The following PDXDC1 variants were observed in gnomAD, a reference collection of about 807,000 sequenced individuals.
The protein encoded by PDXDC1 is pyridoxal-dependent decarboxylase domain-containing protein 1.
In PDXDC1, 42 loss-of-function variants were observed where a neutral mutation model predicts 100.1. The observed-to-expected ratio is 0.42, with a 90% CI of 0.33 to 0.54. The LOEUF is 0.54. Ranked by LOEUF, PDXDC1 falls within the 20% of genes least tolerant of loss-of-function variation. The pLI is 0.10. For synonymous variants in PDXDC1, 260 were observed against 371.7 expected (o/e 0.70, Z 3.46); for missense variants, 636 against 979.2 (o/e 0.65, Z 4.68).
intron 1 of PDXDC1, among the ~76,000 whole-genome samples, chr16:14,977,424 C>A (rs571248188): frequency 3.9e-5 from 6 of 152,188 alleles, no homozygotes; most frequent in Non-Finnish European, 8.8e-5. Flanking sequence ...TGACTACAGG[C>A]GTGTGACACC....
intron 1 of PDXDC1, among the ~76,000 whole-genome samples, chr16:14,981,401 G>T (rs1223144554): frequency 6.6e-6 from 1 of 152,280 alleles, no homozygotes. Flanking sequence ...AACAGTGCCT[G>T]CTGTCTAGCA....
intron 16 of PDXDC1, chr16:15,045,754 A>G (rs979176890): frequency 6.6e-6 from 1 of 152,268 alleles, no homozygotes; most frequent in Admixed American, 6.5e-5. Context: ...AGTGTTTCCC[A>G]CACTCATCTA....
At chr16:15,094,160 C>T in intron 16 of PDXDC1, 1 of 1,600,866 alleles carries the variant, frequency 6.2e-7, no homozygotes, top group South Asian at 1.1e-5. Flanking sequence ...CCTCGACGCG[C>T]CCAGCTTCTT....
downstream of PDXDC1, chr16:15,040,114 G>T: frequency 9.5e-7 from 1 of 1,054,212 alleles, no homozygotes. Flanking sequence ...GACCAAAGCG[G>T]AAAGTCTGCA....
chr16:15,075,497 G>A lies in PDXDC1; in HGVS notation c.1399+45441G>A, dbSNP rs553967249. On this transcript the variant is annotated intron_variant, in intron 16 of 16. Transcript: ENST00000535621. ...GAGGTGGGCAGATCACTTGGGCCCA[G>A]GAGGTCGAGGCTGGAGTGGGCCAAG... 5.4e-4 allele frequency among the ~76,000 whole-genome samples: 82 copies of A among 151,680 alleles called. 1 individual carries two copies. The highest frequency in any genetic ancestry group is 4.0e-3 in the Admixed American group (61 of 15,246).
chr16:15,148,794 C>T, the PDXDC1 span, among the ~76,000 whole-genome samples: 2 of 152,132 alleles, frequency 1.3e-5, no homozygotes, highest in East Asian at 3.9e-4. Context: ...CCACAGTCGC[C>T]TCTGCAGTGG....
rs777738746 is a variant in PDXDC1, at chr16:15,125,666, C to T, written c.1400-13213C>T. The T allele has an allele frequency of 1.1e-5, 14 of 1,316,256 alleles. No homozygotes were observed. In the African/African-American group the frequency reaches 1.9e-4, roughly 18 times the overall value. 81.5% of individuals were successfully genotyped at this position (1,316,256 alleles called of 1,614,324 possible). A position where few individuals can be genotyped will look rare whatever the true frequency, so the allele number is the denominator to read the frequency against. On this transcript the variant is annotated intron_variant, in intron 16 of 16. Transcript: ENST00000535621. ...AAGGCGGCAGGACCCCCAGCCCAGCCCAGGACCCCCAGTAGAGCCCTCACC... is the reference window on the plus strand; with the variant it reads ...AAGGCGGCAGGACCCCCAGCCCAGCTCAGGACCCCCAGTAGAGCCCTCACC...
downstream of PDXDC1, among the ~76,000 whole-genome samples, chr16:15,140,095 C>CAAAAAAAAAA (rs372891971): frequency 1.9e-3 from 85 of 43,676 alleles, no homozygotes; most frequent in South Asian, 4.1e-3. Context: ...GACTCCATCT[C>CAAAAAAAAAA]AAAAAAAAAA....
chr16:15,046,418 C>T (rs533985443), intron 16 of PDXDC1, among the ~76,000 whole-genome samples: 1 of 152,326 alleles, frequency 6.6e-6, no homozygotes, highest in South Asian at 2.1e-4. Context: ...GTCTTGACAG[C>T]AGGCCTGTGT....
chr16:14,986,927 A>G (rs962361091), intron 1 of PDXDC1, among the ~76,000 whole-genome samples: 5 of 152,408 alleles, frequency 3.3e-5, no homozygotes, highest in Admixed American at 6.5e-5. Flanking sequence ...TTGTATTTTT[A>G]GTAGAGACGG....
chr16:15,001,357 C>T (rs772816423), intron 3 of PDXDC1, among the ~76,000 whole-genome samples: 27 of 152,372 alleles, frequency 1.8e-4, no homozygotes, highest in Admixed American at 4.6e-4. Flanking sequence ...AGCGTGGTGG[C>T]GCAAGCTTGT....
chr16:15,044,622 G>C, intron 16 of PDXDC1: 1 of 587,974 alleles, frequency 1.7e-6, no homozygotes, highest in Non-Finnish European at 3.0e-6. Flanking sequence ...TGATGACTGA[G>C]GGGATCCGTA....
chr16:15,099,300 A>G (rs1366128108), intron 16 of PDXDC1, among the ~76,000 whole-genome samples: 1 of 151,590 alleles, frequency 6.6e-6, no homozygotes, highest in East Asian at 1.9e-4. Context: ...GGTGCCTGTA[A>G]TCCCAGCTAC....
At chr16:15,125,653 C>T (rs765580632) in intron 16 of PDXDC1, 5 of 1,271,280 alleles carry the variant, frequency 3.9e-6, no homozygotes, top group Middle Eastern at 2.6e-4. Flanking sequence ...GGCGGCAGGA[C>T]CCCCAGCCCA....
intron 16 of PDXDC1, among the ~76,000 whole-genome samples, chr16:15,072,726 G>T (rs2045289007): frequency 6.6e-6 from 1 of 152,136 alleles, no homozygotes; most frequent in Non-Finnish European, 1.5e-5. Flanking sequence ...AGCCCAAGAG[G>T]TGGAGGTTGC....
chr16:15,127,925 G>A, intron 16 of PDXDC1: 1 of 1,379,170 alleles, frequency 7.3e-7, no homozygotes, highest in Non-Finnish European at 1.0e-6. Flanking sequence ...CCGCACTGCA[G>A]GAGGCCACGG....
chr16:15,080,729 T>C (rs896511943), intron 16 of PDXDC1, among the ~76,000 whole-genome samples: 3 of 152,156 alleles, frequency 2.0e-5, no homozygotes, highest in Admixed American at 6.5e-5. Context: ...GCCAGCAATT[T>C]TGTAACATTT....
chr16:15,044,787 C>T (rs966189157), intron 16 of PDXDC1: 5 of 190,492 alleles, frequency 2.6e-5, no homozygotes, highest in Non-Finnish European at 5.4e-5. Context: ...AGTCTTGAGA[C>T]CAGCCTGGCC....
At position 15,057,899 on chromosome 16, in the gene PDXDC1, T is replaced by G; in HGVS notation, c.1399+27843T>G. On this transcript the variant is annotated intron_variant, in intron 16 of 16. Transcript: ENST00000535621. ...TTCAAGTAATCTCAGGTTATCAATC[T>G]CCTAGGCTGAGTACTGTGTTAAAGG... Among the ~76,000 whole-genome samples, 2 of 152,134 alleles carry G rather than the reference T, an allele frequency of 1.3e-5. 1 individual carries two copies.
Sources: gnomAD v4.1 joint callset for allele counts (sites outside exome capture counted in the v4.1 genomes callset) on GRCh38, gnomAD v4.1.1 for gene constraint, MANE v1.5 for transcripts, NCBI Gene and HGNC (gene_info 2026-07-23, HGNC 2026-07-21) for gene names.